Variants in PAPPA observed in about 807,000 individuals in gnomAD.
PAPPA encodes the protein pappalysin 1.
PAPPA carries 60 observed loss-of-function variants against 164.0 expected under a neutral mutation model. The ratio of observed to expected loss-of-function variants is 0.37; its 90% CI spans 0.30 to 0.45. The LOEUF is 0.45. PAPPA is among the 20% of genes least tolerant of loss of function. The pLI is 1.00. For synonymous variants in PAPPA, 875 were observed against 814.1 expected, an observed-to-expected ratio of 1.07 and a Z score of -1.27; for missense variants, 1,782 against 2,087.3, an observed-to-expected ratio of 0.85 and a Z score of 2.85.
At chr9:116,276,645 G>GT (rs1845201762) in intron 9 of PAPPA, among the ~76,000 whole-genome samples, 1 of 152,138 alleles carries the variant, frequency 6.6e-6, no homozygotes, top group East Asian at 1.9e-4. Flanking sequence ...GAAAACAAAG[G>GT]AAAGGGACCC....
intron 3 of PAPPA, among the ~76,000 whole-genome samples, chr9:116,211,122 T>C (rs1352034629): frequency 6.6e-6 from 1 of 152,188 alleles, no homozygotes; most frequent in African/African-American, 2.4e-5. Context: ...TCTTACAGCA[T>C]CAGGGATGAA....
At chr9:116,174,230 T>G (rs1381986915) in intron 1 of PAPPA, among the ~76,000 whole-genome samples, 1 of 152,158 alleles carries the variant, frequency 6.6e-6, no homozygotes, top group East Asian at 1.9e-4. Context: ...GAAAGGTAAT[T>G]CTGGAGGGCA....
chr9:116,373,253 A>G (rs1285628106), intron 19 of PAPPA: 2 of 152,014 alleles, frequency 1.3e-5, no homozygotes, highest in East Asian at 3.9e-4. Context: ...ACATTCGTTC[A>G]TTTGATTGTC....
At chr9:116,374,174 TGATGATGATGG>T (rs1191685247) in intron 19 of PAPPA, among the ~76,000 whole-genome samples, 7 of 116,742 alleles carry the variant, frequency 6.0e-5, no homozygotes, top group Admixed American at 1.9e-4. Context: ...GTGGTGTTGA[TGATGATGATGG>T]TGGTGATGAT....
In PAPPA at chr9:116,218,885, G is replaced by A. The variant is rs1469968342; in HGVS notation, c.1919-1052G>A. On this transcript the variant is annotated intron_variant, in intron 4 of 21. Transcript: ENST00000328252. ...CCTCTTCTGTACGATAAGGAAAATA[G>A]TAGTGCGTACTCCAAAACTCCAGAG... is the stretch of plus-strand genomic sequence containing the variant. Among the ~76,000 whole-genome samples the A allele has an allele frequency of 7.2e-5, 11 of 152,282 alleles. 1 individual carries two copies. Among genetic ancestry groups the A allele is most frequent in the Middle Eastern group, 3.4e-3 (1 of 294 alleles).
chr9:116,192,035 G>A (rs1260587394), intron 2 of PAPPA, among the ~76,000 whole-genome samples: 1 of 152,264 alleles, frequency 6.6e-6, no homozygotes, highest in East Asian at 1.9e-4. Flanking sequence ...TCTCAGCAAG[G>A]GAAGCAGCCA....
intron 21 of PAPPA, among the ~76,000 whole-genome samples, chr9:116,389,858 C>T (rs966667183): frequency 2.6e-5 from 4 of 151,776 alleles, no homozygotes; most frequent in African/African-American, 9.7e-5. Flanking sequence ...CCCTGGCACA[C>T]ACTATAAAAT....
intron 1 of PAPPA, among the ~76,000 whole-genome samples, chr9:116,162,750 C>T (rs943696353): frequency 6.6e-6 from 1 of 152,164 alleles, no homozygotes; most frequent in African/African-American, 2.4e-5. Flanking sequence ...ATTATGTGTG[C>T]CAGCCATTGC....
At chr9:116,243,943 G>A (rs755566473) in intron 7 of PAPPA, among the ~76,000 whole-genome samples, 2 of 152,086 alleles carry the variant, frequency 1.3e-5, no homozygotes, top group African/African-American at 2.4e-5. Flanking sequence ...TCAGTATAGA[G>A]AGTTGTTTTT....
At chr9:116,186,432 G>A (rs1366058893) in intron 1 of PAPPA, among the ~76,000 whole-genome samples, 1 of 152,102 alleles carries the variant, frequency 6.6e-6, no homozygotes, top group African/African-American at 2.4e-5. Context: ...AGGGTTTGGA[G>A]GTGATGATCT....
At position 116,154,156 on chromosome 9, in the gene PAPPA, G is replaced by C. The variant is rs1420471493; in HGVS notation, c.-17G>C. ...GGCGGTGCAGGGGCGAAGGGGGGGC[G>C]GGGGGAACCGTCGGACATGCGGCTC... On this transcript the variant is annotated 5_prime_UTR_variant, in exon 1 of 22. Coordinates refer to ENST00000328252, the MANE Select transcript of PAPPA (RefSeq NM_002581.5). The surrounding 1 kb of genome is among the most constrained non-coding windows in gnomAD (Gnocchi z 5.2). The C allele has an allele frequency of 2.1e-6, 3 of 1,440,914 alleles. No individual in the cohort carries two copies. Among genetic ancestry groups the C allele is most frequent in the Non-Finnish European group, 2.8e-6 (3 of 1,088,350 alleles). 89.3% of individuals were successfully genotyped at this position (1,440,914 alleles called of 1,614,324 possible).
chr9:116,254,570 C>A (rs2118787156), intron 7 of PAPPA, among the ~76,000 whole-genome samples: 1 of 152,160 alleles, frequency 6.6e-6, no homozygotes, highest in East Asian at 1.9e-4. Context: ...ATCACAAGGT[C>A]AGGAGATCGA....
At chr9:116,318,117 T>C (rs992665500) in intron 10 of PAPPA, 22 of 152,276 alleles carry the variant, frequency 1.4e-4, no homozygotes, top group Admixed American at 1.1e-3. Context: ...CCATTTTTTT[T>C]CCTCCAGTTC....
chr9:116,293,156 A>T (rs1386236003), intron 9 of PAPPA, among the ~76,000 whole-genome samples: 1 of 152,224 alleles, frequency 6.6e-6, no homozygotes. Context: ...AGTGAATAAC[A>T]CTAGTTTAGA....
intron 4 of PAPPA, among the ~76,000 whole-genome samples, chr9:116,218,934 A>C (rs1388548224): frequency 2.0e-5 from 3 of 152,216 alleles, no homozygotes; most frequent in African/African-American, 7.2e-5. Flanking sequence ...TACCGTGTCT[A>C]AAGCACAGTG....
At chr9:116,341,239 C>A (rs532619564) in intron 13 of PAPPA, among the ~76,000 whole-genome samples, 1 of 151,994 alleles carries the variant, frequency 6.6e-6, no homozygotes, top group Non-Finnish European at 1.5e-5. Context: ...CAGGGATGCA[C>A]CATGGTGGCC....
At chr9:116,291,483 A>G (rs1161929238) in intron 9 of PAPPA, among the ~76,000 whole-genome samples, 1 of 152,208 alleles carries the variant, frequency 6.6e-6, no homozygotes, top group Non-Finnish European at 1.5e-5. Flanking sequence ...GATTGAAATC[A>G]GGTTTGGGAC....
intron 1 of PAPPA, among the ~76,000 whole-genome samples, chr9:116,157,893 G>GCC (rs533782853): frequency 6.6e-6 from 1 of 151,436 alleles, no homozygotes; most frequent in East Asian, 1.9e-4. Flanking sequence ...ATCCCCAACT[G>GCC]CCCCCCCAAC....
At chr9:116,196,473 G>A (rs57620301) in intron 2 of PAPPA, among the ~76,000 whole-genome samples, 4,322 of 152,264 alleles carry the variant, frequency 0.028, 159 homozygotes, top group East Asian at 0.11. Context: ...GCCGTTGGGC[G>A]TGCAAGAGAT....
Sources: gnomAD v4.1 joint callset for allele counts (sites outside exome capture counted in the v4.1 genomes callset) on GRCh38, gnomAD v4.1.1 for gene constraint, Gnocchi (gnomAD v3.1) non-coding constraint, MANE v1.5 for transcripts, NCBI Gene and HGNC (gene_info 2026-07-23, HGNC 2026-07-21) for gene names.